FN1: variants seen among roughly 807,000 people sequenced by gnomAD.
The protein encoded by FN1 is fibronectin 1, also known as fibronectin.
Under a neutral mutation model 297.3 loss-of-function variants are expected in FN1, and 106 were observed. The ratio of observed to expected loss-of-function variants is 0.36; its 90% CI spans 0.30 to 0.42. The LOEUF is 0.42. Ranked by LOEUF, FN1 falls within the 10% of genes least tolerant of loss-of-function variation. The pLI, the probability that FN1 is intolerant of heterozygous loss-of-function variation, is 1.00. For missense variants in FN1, 2,690 were observed against 3,124.9 expected, an observed-to-expected ratio of 0.86 and a Z score of 3.32; for synonymous variants, 1,149 against 1,152.6, an observed-to-expected ratio of 1.00 and a Z score of 0.06.
chr2:215,369,556 T>C (rs1446466910), intron 41 of FN1, among the ~76,000 whole-genome samples: 1 of 152,188 alleles, frequency 6.6e-6, no homozygotes, highest in African/African-American at 2.4e-5. Context: ...ACTCTCCTGT[T>C]GGAAGATTGG....
intron 10 of FN1, 113 bp downstream of exon 10, chr2:215,421,978 G>A (rs2064471128): frequency 2.0e-6 from 2 of 988,418 alleles, no homozygotes; most frequent in Non-Finnish European, 3.2e-6. Context: ...TGAATGACGT[G>A]GCATTCCATA....
intron 20 of FN1, 31 bp downstream of exon 20, chr2:215,404,358 G>A (rs1301523213): frequency 6.3e-7 from 1 of 1,596,222 alleles, no homozygotes; most frequent in African/African-American, 1.3e-5. Context: ...TGTAAATATA[G>A]TTAAGAAAAG....
At position 215,383,355 on chromosome 2, in the gene FN1, G is replaced by T. The variant is rs1220983066; in HGVS notation, c.5023C>A (p.Pro1675Thr). 6.2e-7 allele frequency: 1 copy of T among 1,613,936 alleles called. No individual in the cohort carries two copies. Among genetic ancestry groups the T allele is most frequent in the African/African-American group, 1.3e-5 (1 of 74,894 alleles). Residue 1675 changes from proline (P) to threonine (T), a missense_variant, in exon 31 of 46, where the codon CCA becomes ACA. Transcript: ENST00000354785. ...VTTTPKNGPG[P>T]TKTKTAGPDQ... Reference sequence around the variant, plus strand: ...GGACCTGCAGTTTTAGTTTTTGTTGGTCCTGGTCCATTTTTGGGAGTGGTG... The same window carrying T: ...GGACCTGCAGTTTTAGTTTTTGTTGTTCCTGGTCCATTTTTGGGAGTGGTG...
intron 10 of FN1, chr2:215,421,104 T>C (rs1437967557): frequency 8.4e-6 from 3 of 358,592 alleles, no homozygotes; most frequent in Non-Finnish European, 1.6e-5. Context: ...CAAATACATG[T>C]CTTACTTTCT....
At chr2:215,394,405 G>A in intron 24 of FN1, 123 bp downstream of exon 24, 1 of 888,366 alleles carries the variant, frequency 1.1e-6, no homozygotes, top group Middle Eastern at 3.3e-4. Context: ...GGAAAGTGCA[G>A]CTGGGAGATC....
rs767725012 is a variant in FN1 at position 215,375,690 on chromosome 2, G to T, written c.5916C>A (p.Ile1972=). Residue 1972 remains isoleucine, a synonymous_variant, in exon 37 of 46, where the codon ATC becomes ATA. Transcript: ENST00000354785. ...CATTGTCATTCAAGGTGTACAGGTA[G>T]ATCTTGTAGTCAGTGCCTGGTTGTA... ...TGLQPGTDYK[I]YLYTLNDNAR... 1.2e-6 allele frequency: 2 copies of T among 1,612,420 alleles called. No individual in the cohort carries two copies. Among genetic ancestry groups the T allele is most frequent in the South Asian group, 2.2e-5 (2 of 91,030 alleles).
intron 38 of FN1, 48 bp downstream of exon 38, chr2:215,375,166 G>A: frequency 4.5e-6 from 7 of 1,562,966 alleles, no homozygotes; most frequent in Admixed American, 3.3e-5. Context: ...AGGACTTCAT[G>A]TGTCCTAGGT....
intron 44 of FN1, 40 bp downstream of exon 44, chr2:215,364,839 C>G (rs574728743): frequency 1.4e-6 from 2 of 1,385,112 alleles, no homozygotes; most frequent in Non-Finnish European, 2.0e-6. Flanking sequence ...CACCCTTTAT[C>G]TTATCTAACT....
chr2:215,392,819 A>G, intron 25 of FN1, 112 bp downstream of exon 25: 2 of 1,222,326 alleles, frequency 1.6e-6, no homozygotes, highest in Admixed American at 1.7e-5. Context: ...CCCTATCTGA[A>G]TCTTTGGCCA....
Position 215,362,029 on chromosome 2 carries a change from T to A in FN1, c.7302A>T (p.Glu2434Asp), listed in dbSNP as rs756955589. ...GGTTGTAGGACTGGCCAGTAGTGCC[T>A]TCGGGACTGGGTTCACCCCCAGGTC... ...CRRPGGEPSP[E>D]GTTGQSYNQY... is the part of the protein sequence containing the mutation. The change falls in exon 45 of 46, where the codon GAA (glutamate) becomes GAT (aspartate). Residue 2434 changes from glutamate to aspartate, a missense_variant. Physicochemically the swap from Glu to Asp is conservative, Grantham distance 45. Around this residue, in one of 3 missense-constraint regions of FN1, gnomAD observed 1,743 missense variants for 1,945.2 expected, o/e 0.90. Coordinates refer to ENST00000354785, the MANE Select transcript of FN1 (RefSeq NM_212482.4). The A allele has an allele frequency of 6.2e-7, 1 of 1,614,176 alleles. No homozygotes were observed. The highest frequency in any genetic ancestry group is 8.5e-7 in the Non-Finnish European group (1 of 1,180,020).
chr2:215,399,239 G>C lies in FN1; in HGVS notation c.3348+18C>G. 1.3e-6 allele frequency: 2 copies of C among 1,573,314 alleles called. No individual in the cohort carries two copies. Among genetic ancestry groups the C allele is most frequent in the Non-Finnish European group, 1.7e-6 (2 of 1,142,910 alleles). On this transcript the variant is annotated intron_variant, in intron 21 of 45. Coordinates refer to ENST00000354785, the MANE Select transcript of FN1 (RefSeq NM_212482.4). ...GCTCAGGGCTGTATCACAGAGATTA[G>C]GAACATCTGCAGTTTACCTTAAAAC...
chr2:215,391,589 C>A (rs376158027), intron 26 of FN1, 43 bp downstream of exon 26: 2 of 1,536,448 alleles, frequency 1.3e-6, no homozygotes, highest in Admixed American at 3.3e-5. Context: ...ATTTGCTATG[C>A]TCTAGGTTAA....
intron 13 of FN1, among the ~76,000 whole-genome samples, chr2:215,411,889 G>A (rs1295392762): frequency 6.6e-6 from 1 of 152,002 alleles, no homozygotes; most frequent in African/African-American, 2.4e-5. Context: ...GGATGCTCTC[G>A]ATCTCTTGAC....
chr2:215,381,773 T>C (rs1017366965), intron 32 of FN1: 1 of 287,708 alleles, frequency 3.5e-6, no homozygotes, highest in Non-Finnish European at 6.7e-6. Context: ...CCTATAATGG[T>C]TCTTACACTC....
At chr2:215,420,525 A>T in intron 11 of FN1, 148 bp downstream of exon 11, 1 of 961,580 alleles carries the variant, frequency 1.0e-6, no homozygotes, top group Non-Finnish European at 1.6e-6. Flanking sequence ...GTCCAGTATT[A>T]GAGAGAAGAC....
At chr2:215,376,762 C>A in intron 35 of FN1, 88 bp from the exon 36 acceptor site, 1 of 1,113,368 alleles carries the variant, frequency 9.0e-7, no homozygotes, top group Non-Finnish European at 1.3e-6. Flanking sequence ...TGGTATATAT[C>A]AAATTCATCC....
chr2:215,407,623 T>C (rs1368455476), intron 17 of FN1, among the ~76,000 whole-genome samples: 1 of 152,106 alleles, frequency 6.6e-6, no homozygotes, highest in Non-Finnish European at 1.5e-5. Flanking sequence ...TTAAGCTGAT[T>C]TTTCCTCTTT....
chr2:215,382,379 C>G, intron 31 of FN1, 54 bp from the exon 32 acceptor site: 1 of 1,153,792 alleles, frequency 8.7e-7, no homozygotes, highest in Non-Finnish European at 1.3e-6. Context: ...CTATAAAGTC[C>G]TCAAGTGGCG....
chr2:215,378,653 C>T (rs1329773907), intron 34 of FN1, among the ~76,000 whole-genome samples: 1 of 152,118 alleles, frequency 6.6e-6, no homozygotes, highest in Non-Finnish European at 1.5e-5. Flanking sequence ...GTAGTTTCCC[C>T]TGAAATTGGC....
Sources: allele counts gnomAD v4.1 joint callset (sites outside exome capture counted in the v4.1 genomes callset), GRCh38; gene constraint gnomAD v4.1.1; regional missense constraint gnomAD v4.1.1; transcripts MANE v1.5; gene names NCBI Gene and HGNC (gene_info 2026-07-23, HGNC 2026-07-21).